SRPK1: variants seen among roughly 807,000 people sequenced by gnomAD.
SRPK1 encodes SRSF protein kinase 1.
In SRPK1, 52 loss-of-function variants were observed where a neutral mutation model predicts 89.5. The ratio of observed to expected loss-of-function variants is 0.58; its 90% CI spans 0.46 to 0.73. SRPK1 has a LOEUF of 0.73. Ranked by LOEUF, SRPK1 falls within the 30% of genes least tolerant of loss-of-function variation. SRPK1 has a pLI of 0.00. For missense variants in SRPK1, 603 were observed against 780.6 expected, an observed-to-expected ratio of 0.77 and a Z score of 2.71; for synonymous variants, 255 against 270.2, an observed-to-expected ratio of 0.94 and a Z score of 0.55.
intron 6 of SRPK1, among the ~76,000 whole-genome samples, chr6:35,876,852 G>T (rs140343058): frequency 1.3e-4 from 20 of 152,272 alleles, no homozygotes; most frequent in Non-Finnish European, 2.5e-4. Flanking sequence ...CCATCTTATT[G>T]CCTTGAGGCT....
chr6:35,863,502 A>AT (rs886564500), intron 12 of SRPK1, among the ~76,000 whole-genome samples: 11 of 150,504 alleles, frequency 7.3e-5, no homozygotes, highest in East Asian at 3.9e-4. Flanking sequence ...TGAATAAATA[A>AT]TTTTTTTTTC....
intron 6 of SRPK1, among the ~76,000 whole-genome samples, chr6:35,881,382 G>C (rs1406509261): frequency 1.3e-5 from 2 of 151,842 alleles, no homozygotes; most frequent in African/African-American, 4.8e-5. Flanking sequence ...AAAATAATTA[G>C]TCTAAAAGCT....
chr6:35,876,082 A>T (rs1770150482), intron 6 of SRPK1, among the ~76,000 whole-genome samples: 1 of 103,752 alleles, frequency 9.6e-6, no homozygotes, highest in Admixed American at 1.1e-4. Context: ...TGGATTCTTA[A>T]ATTAAAAAAA....
intron 7 of SRPK1, 111 bp from the exon 8 acceptor site, chr6:35,872,839 T>C: frequency 3.9e-6 from 4 of 1,034,118 alleles, no homozygotes; most frequent in Admixed American, 3.8e-5. Flanking sequence ...TAGCGTTTTC[T>C]ATAGAGAATA....
intron 8 of SRPK1, among the ~76,000 whole-genome samples, chr6:35,871,894 C>T (rs1204468825): frequency 6.6e-6 from 1 of 152,018 alleles, no homozygotes; most frequent in Non-Finnish European, 1.5e-5. Context: ...GCACGCATCA[C>T]TATGCCTGGC....
intron 2 of SRPK1, 51 bp downstream of exon 2, chr6:35,920,417 A>T (rs1320804896): frequency 1.8e-5 from 29 of 1,596,878 alleles, no homozygotes; most frequent in Non-Finnish European, 2.3e-5. Context: ...CAGAGCAGAG[A>T]AGGTGCCGGA....
At chr6:35,885,869 A>C (rs556969215) in intron 6 of SRPK1, among the ~76,000 whole-genome samples, 1 of 152,320 alleles carries the variant, frequency 6.6e-6, no homozygotes, top group African/African-American at 2.4e-5. Context: ...ACAGTTCTAA[A>C]ACATCCAGAT....
chr6:35,887,678 A>C (rs1770438452), intron 5 of SRPK1: 1 of 179,566 alleles, frequency 5.6e-6, no homozygotes, highest in South Asian at 2.0e-4. Flanking sequence ...AAGATGCTAT[A>C]CATTTATTTA....
At chr6:35,912,995 T>C (rs920752299) in intron 2 of SRPK1, among the ~76,000 whole-genome samples, 1 of 152,212 alleles carries the variant, frequency 6.6e-6, no homozygotes, top group Non-Finnish European at 1.5e-5. Flanking sequence ...TTGCCCAGGC[T>C]AATCTCAAGT....
rs965449531 is a variant in SRPK1 at position 35,921,030 on chromosome 6, G to A, written c.13+14C>T. 1.9e-6 allele frequency: 3 copies of A among 1,543,036 alleles called. No individual in the cohort carries two copies. Among genetic ancestry groups the A allele is most frequent in the Non-Finnish European group, 1.7e-6 (2 of 1,147,272 alleles). On this transcript the variant is annotated intron_variant, in intron 1 of 15. Transcript: ENST00000373825. ...ACCATTGCCCCTCGTGGCGGAGGCC[G>A]CTCCACCGCTCACCTTTCCGCTCCA... is the stretch of plus-strand genomic sequence containing the variant.
chr6:35,881,426 C>CATATAGATATAGATATAGATATAG (rs56083624), intron 6 of SRPK1, among the ~76,000 whole-genome samples: 1 of 147,100 alleles, frequency 6.8e-6, no homozygotes. Context: ...GTAGAATACA[C>CATATAGATATAGATATAGATATAG]ATATAGATAT....
intron 2 of SRPK1, among the ~76,000 whole-genome samples, chr6:35,915,814 T>C (rs1771077372): frequency 6.6e-6 from 1 of 151,254 alleles, no homozygotes; most frequent in Admixed American, 6.6e-5. Context: ...CTACTAAAAA[T>C]ACAAAAAATT....
intron 6 of SRPK1, among the ~76,000 whole-genome samples, chr6:35,884,733 G>A (rs1770366655): frequency 6.6e-6 from 1 of 152,210 alleles, no homozygotes; most frequent in South Asian, 2.1e-4. Context: ...GGGCACGGTG[G>A]CTCACACCTG....
intron 12 of SRPK1, among the ~76,000 whole-genome samples, chr6:35,861,710 G>A (rs1326752): frequency 2.0e-5 from 3 of 152,082 alleles, no homozygotes; most frequent in Non-Finnish European, 2.9e-5. Flanking sequence ...TCGGGCTGAC[G>A]TGGCTGCAGC....
chr6:35,839,804 T>C (rs1435343157), intron 14 of SRPK1, among the ~76,000 whole-genome samples: 1 of 152,010 alleles, frequency 6.6e-6, no homozygotes, highest in East Asian at 1.9e-4. Flanking sequence ...CTCAGCCTCC[T>C]GAGTAGCTGG....
chr6:35,908,026 G>T (rs959266328), intron 2 of SRPK1, among the ~76,000 whole-genome samples: 1 of 152,204 alleles, frequency 6.6e-6, no homozygotes, highest in Non-Finnish European at 1.5e-5. Context: ...CACCATGATT[G>T]TAAGTTTCCT....
At chr6:35,889,023 T>C (rs559874378) in intron 3 of SRPK1, 100 bp from the exon 4 acceptor site, 1 of 711,080 alleles carries the variant, frequency 1.4e-6, no homozygotes, top group Admixed American at 2.5e-5. Flanking sequence ...CTATATACCT[T>C]TTATCAATAA....
chr6:35,861,857 A>G (rs1445490084), intron 12 of SRPK1, among the ~76,000 whole-genome samples: 1 of 152,020 alleles, frequency 6.6e-6, no homozygotes, highest in East Asian at 1.9e-4. Flanking sequence ...TTGAGAGGGA[A>G]CCTACCCTCT....
At chr6:35,897,997 T>C (rs1176897285) in intron 2 of SRPK1, among the ~76,000 whole-genome samples, 1 of 152,244 alleles carries the variant, frequency 6.6e-6, no homozygotes, top group Non-Finnish European at 1.5e-5. Context: ...GGATCATCTA[T>C]GCAGGCCAAT....
Sources: gnomAD v4.1 joint callset for allele counts (sites outside exome capture counted in the v4.1 genomes callset) on GRCh38, gnomAD v4.1.1 for gene constraint, MANE v1.5 for transcripts, NCBI Gene and HGNC (gene_info 2026-07-23, HGNC 2026-07-21) for gene names.